Variants in AMD1 observed in about 807,000 individuals in gnomAD.
The protein encoded by AMD1 is S-adenosylmethionine decarboxylase proenzyme.
A neutral mutation model predicts 40.2 loss-of-function variants in AMD1; 11 were observed. The observed-to-expected ratio is 0.27, with a 90% CI of 0.17 to 0.45. AMD1 has a LOEUF of 0.45. Ranked by LOEUF, AMD1 falls within the 20% of genes least tolerant of loss-of-function variation. The probability of loss-of-function intolerance (pLI) is 1.00; values close to 1 mark genes in which losing one functional copy is unlikely to be tolerated. For synonymous variants in AMD1, 121 were observed against 130.8 expected (o/e 0.93, Z 0.51); for missense variants, 257 against 410.2 (o/e 0.63, Z 3.23).
chr6:110,860,676 G>A, the AMD1 span, among the ~76,000 whole-genome samples: 340 of 151,980 alleles, frequency 2.2e-3, 2 homozygotes, highest in African/African-American at 7.5e-3. Context: ...GCATGTGCCC[G>A]TAAGTCCCAG....
At chr6:110,851,908 G>T in the AMD1 span, among the ~76,000 whole-genome samples, 4 of 152,144 alleles carry the variant, frequency 2.6e-5, no homozygotes, top group African/African-American at 9.6e-5. Context: ...AATAGTGAAT[G>T]AATATGCAAA....
At chr6:110,829,470 G>A in the AMD1 span, among the ~76,000 whole-genome samples, 2 of 151,730 alleles carry the variant, frequency 1.3e-5, no homozygotes, top group South Asian at 2.1e-4. Context: ...ACGAGGTCAG[G>A]AGATCGAGAC....
the AMD1 span, among the ~76,000 whole-genome samples, chr6:110,855,065 CTTTTTTTTTT>C: frequency 3.7e-5 from 3 of 80,446 alleles, no homozygotes; most frequent in Admixed American, 2.8e-4. Context: ...CTCTCTCTCT[CTTTTTTTTTT>C]TTTTTTTTTT....
At chr6:110,871,614 G>A (rs1784920376), upstream of AMD1, among the ~76,000 whole-genome samples, 3 of 152,188 alleles carry the variant, frequency 2.0e-5, no homozygotes, top group South Asian at 6.2e-4. Flanking sequence ...GATAAGAGTG[G>A]AGACAAAGAG....
intron 1 of AMD1, among the ~76,000 whole-genome samples, chr6:110,877,168 A>G (rs1019459526): frequency 6.6e-6 from 1 of 152,258 alleles, no homozygotes; most frequent in Non-Finnish European, 1.5e-5. Flanking sequence ...CCTTGTGTAG[A>G]TGATTTAGTG....
chr6:110,873,608 A>G (rs962734081), upstream of AMD1, among the ~76,000 whole-genome samples: 11 of 152,220 alleles, frequency 7.2e-5, no homozygotes, highest in Non-Finnish European at 4.4e-5. Flanking sequence ...TCTTGTGACA[A>G]TAGCAATTTT....
the AMD1 span, among the ~76,000 whole-genome samples, chr6:110,845,697 GA>G: frequency 1.3e-5 from 2 of 152,202 alleles, no homozygotes; most frequent in East Asian, 3.9e-4. Flanking sequence ...GCCAGAGACA[GA>G]AGGCTGCACT....
the AMD1 span, chr6:110,814,836 G>C: frequency 7.2e-6 from 6 of 836,462 alleles, no homozygotes; most frequent in Admixed American, 6.6e-5. Context: ...GGGCCGCGCG[G>C]GGGAGGCGGG....
chr6:110,834,677 G>A, the AMD1 span, among the ~76,000 whole-genome samples: 4 of 152,082 alleles, frequency 2.6e-5, no homozygotes, highest in Middle Eastern at 3.4e-3. Flanking sequence ...AAAATCTGGC[G>A]GCCAGGCACT....
At chr6:110,854,472 G>A in the AMD1 span, among the ~76,000 whole-genome samples, 3 of 150,752 alleles carry the variant, frequency 2.0e-5, no homozygotes, top group South Asian at 2.1e-4. Flanking sequence ...TTTTTGAAAC[G>A]GAGTCTCATT....
the AMD1 span, among the ~76,000 whole-genome samples, chr6:110,837,913 T>A: frequency 6.9e-6 from 1 of 145,352 alleles, no homozygotes; most frequent in African/African-American, 2.6e-5. Context: ...AACTACAAAG[T>A]TAGCTAGGTG....
At chr6:110,851,762 C>T in the AMD1 span, among the ~76,000 whole-genome samples, 1 of 152,072 alleles carries the variant, frequency 6.6e-6, no homozygotes, top group Non-Finnish European at 1.5e-5. Context: ...GCACCTGGCC[C>T]TCAAAATTGG....
At chr6:110,867,489 C>A in the AMD1 span, among the ~76,000 whole-genome samples, 1 of 151,978 alleles carries the variant, frequency 6.6e-6, no homozygotes, top group Non-Finnish European at 1.5e-5. Flanking sequence ...CATGGCAAAA[C>A]CCCATCTCTA....
chr6:110,836,012 CAAAAAAAAAAA>C, the AMD1 span, among the ~76,000 whole-genome samples: 5 of 60,756 alleles, frequency 8.2e-5, no homozygotes, highest in South Asian at 6.4e-4. Context: ...GACCTTGACT[CAAAAAAAAAAA>C]AAAAAAAAAA....
chr6:110,824,826 C>CTT, the AMD1 span, among the ~76,000 whole-genome samples: 1 of 152,088 alleles, frequency 6.6e-6, no homozygotes, highest in African/African-American at 2.4e-5. Context: ...TGAGAGCTAA[C>CTT]TTTTATTGAA....
At chr6:110,863,328 A>G in the AMD1 span, among the ~76,000 whole-genome samples, 2 of 149,784 alleles carry the variant, frequency 1.3e-5, no homozygotes, top group Non-Finnish European at 3.0e-5. Flanking sequence ...TCTACAAAGT[A>G]GAAGCTTCCT....
chr6:110,858,526 C>T, the AMD1 span: 17 of 1,593,326 alleles, frequency 1.1e-5, no homozygotes, highest in Non-Finnish European at 1.5e-5. Context: ...AGGCCATGGT[C>T]AGCTACGGCA....
the AMD1 span, among the ~76,000 whole-genome samples, chr6:110,855,664 G>A: frequency 1.2e-3 from 176 of 152,120 alleles, 2 homozygotes; most frequent in Admixed American, 0.011. Context: ...CAGGGAATCC[G>A]TAGGATCTGG....
At chr6:110,882,476 C>T (rs542758092) in intron 1 of AMD1, among the ~76,000 whole-genome samples, 1 of 152,200 alleles carries the variant, frequency 6.6e-6, no homozygotes, top group Non-Finnish European at 1.5e-5. Context: ...GCTTTATTTA[C>T]AAAAGCAGGC....
Sources: allele counts gnomAD v4.1 joint callset (sites outside exome capture counted in the v4.1 genomes callset), GRCh38; gene constraint gnomAD v4.1.1; transcripts MANE v1.5; gene names NCBI Gene and HGNC (gene_info 2026-07-23, HGNC 2026-07-21).